Variants in SPEG observed in about 807,000 individuals in gnomAD.
SPEG encodes striated muscle preferentially expressed protein kinase.
In SPEG, 114 loss-of-function variants were observed where a neutral mutation model predicts 300.4. The observed-to-expected ratio is 0.38, with a 90% CI of 0.33 to 0.44. The LOEUF is 0.44. Among genes scored for constraint, SPEG ranks in the 20% least tolerant of loss-of-function variants. The pLI is 1.00. For missense variants in SPEG, 4,201 were observed against 4,586.2 expected (o/e 0.92, Z 2.43); for synonymous variants, 1,964 against 2,018.9 (o/e 0.97, Z 0.73).
Position 219,445,315 on chromosome 2 carries a change from T to C in SPEG, c.815+154T>C, listed in dbSNP as rs1032082797. On this transcript the variant is annotated intron_variant, in intron 3 of 40. Transcript: ENST00000312358. The surrounding 1 kb of genome is among the most constrained non-coding windows in gnomAD (Gnocchi z 6.1). ...CTGCTGCCACTCCATCTTCCCACAC[T>C]GCTCCCTCCTCCTCCTGAGCCATCA... Among the ~76,000 whole-genome samples, 1 of 152,064 alleles carries C rather than the reference T, an allele frequency of 6.6e-6. No individual in the cohort carries two copies. The highest frequency in any genetic ancestry group is 2.4e-5 in the African/African-American group (1 of 41,422).
Position 219,477,572 on chromosome 2 carries a change from C to T in SPEG, c.4730-117C>T. 2 of 1,357,656 alleles carry T rather than the reference C, an allele frequency of 1.5e-6. No individual in the cohort carries two copies. The highest frequency in any genetic ancestry group is 2.0e-6 in the Non-Finnish European group (2 of 999,792). The allele number at this position is 1,357,656 out of a possible 1,614,324, so 84.1% of individuals were successfully genotyped here. A position where few individuals can be genotyped will look rare whatever the true frequency, so the allele number is the denominator to read the frequency against. ...CCACACCCCCAGCCCAGCACCCCGCCTTGAGCCCCCAACATTCTTGCACCT... is the reference window on the plus strand; with the variant it reads ...CCACACCCCCAGCCCAGCACCCCGCTTTGAGCCCCCAACATTCTTGCACCT... On this transcript the variant is annotated intron_variant, in intron 20 of 40. Transcript: ENST00000312358. This position sits in a 1 kb window ranked among gnomAD's most constrained non-coding sequence, Gnocchi z 6.4.
At chr2:219,437,304 C>G (rs1242572223) in intron 1 of SPEG, 1 of 152,286 alleles carries the variant, frequency 6.6e-6, no homozygotes, top group Non-Finnish European at 1.5e-5. Flanking sequence ...CCTGGCCTGC[C>G]TTGGTCCCTC....
At chr2:219,467,744 T>A (rs542209768) in intron 10 of SPEG, among the ~76,000 whole-genome samples, 14 of 152,358 alleles carry the variant, frequency 9.2e-5, no homozygotes, top group African/African-American at 3.1e-4. Flanking sequence ...TTCATCTCTC[T>A]GAGCTTTAGC....
Position 219,478,009 on chromosome 2 carries a change from G to A in SPEG, c.4931G>A (p.Arg1644Gln), listed in dbSNP as rs750341445. The change falls in exon 22 of 41, where the codon CGG becomes CAG. Residue 1644 changes from arginine (R) to glutamine (Q), a missense_variant. Transcript: ENST00000312358. ...GCCAAGCCAAAGGCATCAGCGCGTCGGGAGGCCCGGCTGCTGGCCAGGCTC... is the reference window on the plus strand; with the variant it reads ...GCCAAGCCAAAGGCATCAGCGCGTCAGGAGGCCCGGCTGCTGGCCAGGCTC... ...SQAKPKASAR[R>Q]EARLLARLQH... is the part of the protein sequence containing the mutation. The A allele has an allele frequency of 2.0e-5, 32 of 1,614,054 alleles. No homozygotes were observed. The highest frequency in any genetic ancestry group is 3.3e-5 in the South Asian group (3 of 91,086).
At chr2:219,468,547 C>T (rs574311242) in intron 10 of SPEG, 31 bp from the exon 11 acceptor site, 1 of 1,603,886 alleles carries the variant, frequency 6.2e-7, no homozygotes, top group Admixed American at 1.7e-5. Context: ...CCTTAGCCTT[C>T]CCTATCTCTG....
Position 219,439,321 on chromosome 2 carries a change from G to A in SPEG, c.388+3956G>A, listed in dbSNP as rs998430479. Among the ~76,000 whole-genome samples, 3 of 152,180 alleles carry A rather than the reference G, an allele frequency of 2.0e-5. No individual in the cohort carries two copies. The highest frequency in any genetic ancestry group is 7.2e-5 in the African/African-American group (3 of 41,430). On this transcript the variant is annotated intron_variant, in intron 1 of 40. Transcript: ENST00000312358. The surrounding 1 kb of genome is among the most constrained non-coding windows in gnomAD (Gnocchi z 4.5). ...TGTGCTTTTGATACACGAGTCAGGGGGTTGAGGGAGACCAAAATTTATGTC... is the reference window on the plus strand; with the variant it reads ...TGTGCTTTTGATACACGAGTCAGGGAGTTGAGGGAGACCAAAATTTATGTC...
Position 219,451,577 on chromosome 2 carries a change from TG to T in SPEG, c.2258-45del. On this transcript the variant is annotated intron_variant, in intron 5 of 40. Transcript: ENST00000312358. This position sits in a 1 kb window ranked among gnomAD's most constrained non-coding sequence, Gnocchi z 6.4. The stretch of plus-strand genomic sequence containing the variant: ...GTGGGGTAGGAGTAGAGATTCTCAG[TG>T]GGCGCCTGTGGGCCGTGGCGAGCCG... The T allele has an allele frequency of 6.9e-7, 1 of 1,450,648 alleles. No individual in the cohort carries two copies. The highest frequency in any genetic ancestry group is 1.4e-5 in the African/African-American group (1 of 70,508). 89.9% of individuals were successfully genotyped at this position (1,450,648 alleles called of 1,614,324 possible). A position where few individuals can be genotyped will look rare whatever the true frequency, so the allele number is the denominator to read the frequency against.
rs895948376 is a variant in SPEG at position 219,451,010 on chromosome 2, C to T, written c.2114-126C>T. 1.9e-5 allele frequency: 19 copies of T among 975,680 alleles called. No homozygotes were observed. The highest frequency in any genetic ancestry group is 1.1e-4 in the Admixed American group (4 of 35,598). 60.4% of individuals were successfully genotyped at this position (975,680 alleles called of 1,614,324 possible). ...AGGCAGACCCTCTTCTCCCCAAGTCCCTGCTTTCTAGAAGCCCCTCTGTCT... is the reference window on the plus strand; with the variant it reads ...AGGCAGACCCTCTTCTCCCCAAGTCTCTGCTTTCTAGAAGCCCCTCTGTCT... On this transcript the variant is annotated intron_variant, in intron 4 of 40. Coordinates refer to ENST00000312358, the MANE Select transcript of SPEG (RefSeq NM_005876.5). This position sits in a 1 kb window ranked among gnomAD's most constrained non-coding sequence, Gnocchi z 6.4.
rs1459915218 is a variant in SPEG at position 219,469,146 on chromosome 2, G to A, written c.3492-10G>A. 8 of 1,613,402 alleles carry A rather than the reference G, an allele frequency of 5.0e-6. No homozygotes were observed. In the Middle Eastern group the frequency reaches 6.6e-4, roughly 133 times the overall value. ...GCCCTGGGCCTGTGGGCAGCTGTGT[G>A]GTCTTGCAGCTCGAAGCTGGAGAAG... is the stretch of plus-strand genomic sequence containing the variant. On this transcript the variant is annotated splice_polypyrimidine_tract_variant and intron_variant, in intron 12 of 40. Transcript: ENST00000312358.
At chr2:219,467,034 G>A in intron 9 of SPEG, 140 bp from the exon 10 acceptor site, 7 of 1,212,476 alleles carry the variant, frequency 5.8e-6, no homozygotes, top group Non-Finnish European at 7.8e-6. Flanking sequence ...GGCCAGGTGG[G>A]TGGGCTTTCC....
At position 219,489,873 on chromosome 2, in the gene SPEG, C is replaced by A. The variant is rs1290686485; in HGVS notation, c.8855C>A (p.Pro2952His). Residue 2952 changes from proline to histidine, a missense_variant, in exon 36 of 41, where the codon CCT becomes CAT. Physicochemically the swap from Pro to His is moderately conservative, Grantham distance 77. This residue lies in a region of SPEG where 1,578 missense variants were observed against 1,506.0 expected (regional missense o/e 1.05). Coordinates refer to ENST00000312358, the MANE Select transcript of SPEG (RefSeq NM_005876.5). ...AGCAGTCCCCGAAGCTCTCCCAGGC[C>A]TGAGGGTACCACTCTTCGACAGGGT... Reference protein sequence around the residue: ...PGSSPRSSPRPEGTTLRQGPP... With the variant: ...PGSSPRSSPRHEGTTLRQGPP... 6.2e-7 allele frequency: 1 copy of A among 1,609,384 alleles called. No individual in the cohort carries two copies. The highest frequency in any genetic ancestry group is 8.5e-7 in the Non-Finnish European group (1 of 1,176,910).
chr2:219,467,202 G>A lies in SPEG; in HGVS notation c.2910G>A (p.Val970=), dbSNP rs1295294599. Residue 970 remains valine, a synonymous_variant, in exon 10 of 41, where the codon GTG becomes GTA. Transcript: ENST00000312358. ...RAHPESRSLA[V]LAPLQDVDVG... ...ACCCTGAAAGCCGGTCCCTGGCCGTGCTGGCCCCCCTGCAGGACGTGGACG... is the reference window on the plus strand; with the variant it reads ...ACCCTGAAAGCCGGTCCCTGGCCGTACTGGCCCCCCTGCAGGACGTGGACG... The A allele has an allele frequency of 6.3e-7, 1 of 1,590,494 alleles. No homozygotes were observed. Among genetic ancestry groups the A allele is most frequent in the Non-Finnish European group, 8.6e-7 (1 of 1,169,394 alleles).
chr2:219,451,093 C>A lies in SPEG; in HGVS notation c.2114-43C>A. 6.4e-7 allele frequency: 1 copy of A among 1,562,090 alleles called. No homozygotes were observed. Among genetic ancestry groups the A allele is most frequent in the South Asian group, 1.2e-5 (1 of 81,478 alleles). ...ACTCTCTCTCCCGCTGTCATCCCTGCAGGGATCATGGCCCCTTACCCCGTT... is the reference window on the plus strand; with the variant it reads ...ACTCTCTCTCCCGCTGTCATCCCTGAAGGGATCATGGCCCCTTACCCCGTT... On this transcript the variant is annotated intron_variant, in intron 4 of 40. Coordinates refer to ENST00000312358, the MANE Select transcript of SPEG (RefSeq NM_005876.5). This position sits in a 1 kb window ranked among gnomAD's most constrained non-coding sequence, Gnocchi z 6.4.
rs772060475 is a variant in SPEG, at chr2:219,477,475, C to T, written c.4729+30C>T. The T allele has an allele frequency of 3.2e-6, 5 of 1,540,220 alleles. No homozygotes were observed. The highest frequency in any genetic ancestry group is 1.2e-5 in the South Asian group (1 of 81,450). On this transcript the variant is annotated intron_variant, in intron 20 of 40. Coordinates refer to ENST00000312358, the MANE Select transcript of SPEG (RefSeq NM_005876.5). This position sits in a 1 kb window ranked among gnomAD's most constrained non-coding sequence, Gnocchi z 6.4. ...GCAGGAGTTCCGGAGAAAGGTAAAGCGCACACCCCCTGGAATCTGATGTGA... is the reference window on the plus strand; with the variant it reads ...GCAGGAGTTCCGGAGAAAGGTAAAGTGCACACCCCCTGGAATCTGATGTGA...
rs528216747 is a variant in SPEG at position 219,481,647 on chromosome 2, C to G, written c.5532C>G (p.Thr1844=). The change falls in exon 28 of 41, where the codon ACC becomes ACG. Residue 1844 remains threonine (T), a synonymous_variant. Transcript: ENST00000312358. This position sits in a 1 kb window ranked among gnomAD's most constrained non-coding sequence, Gnocchi z 5.4. Reference sequence around the variant, plus strand: ...CCTCATTCATTCACAGGAGACCTACCGCAGAAGAGACCCTAGAACATCCTT... The same window carrying G: ...CCTCATTCATTCACAGGAGACCTACGGCAGAAGAGACCCTAGAACATCCTT... ...KVLVQDRLRP[T]AEETLEHPWF... The G allele has an allele frequency of 3.1e-6, 5 of 1,614,102 alleles. No homozygotes were observed. The highest frequency in any genetic ancestry group is 4.2e-6 in the Non-Finnish European group (5 of 1,179,982).
intron 13 of SPEG, among the ~76,000 whole-genome samples, chr2:219,470,818 T>C (rs1358185627): frequency 6.6e-6 from 1 of 152,198 alleles, no homozygotes; most frequent in Non-Finnish European, 1.5e-5. Context: ...TCTGACCTCA[T>C]TGGTAAAATG....
chr2:219,448,194 G>A lies in SPEG; in HGVS notation c.1036G>A (p.Glu346Lys). 2 of 1,612,380 alleles carry A rather than the reference G, an allele frequency of 1.2e-6. No homozygotes were observed. The highest frequency in any genetic ancestry group is 1.1e-5 in the South Asian group (1 of 91,078). ...TCGCACTCAGGAGCCTGTGCTGCCC[G>A]AGGACACCACCACCGAAGAGAAGCG... The part of the protein sequence containing the change: ...HRRTQEPVLP[E>K]DTTTEEKRGK... Residue 346 changes from glutamate (E) to lysine (K), a missense_variant, in exon 4 of 41, where the codon GAG becomes AAG. Transcript: ENST00000312358.
intron 9 of SPEG, chr2:219,465,971 G>A: frequency 8.6e-7 from 1 of 1,161,014 alleles, no homozygotes; most frequent in South Asian, 1.3e-5. Context: ...GTGCATGCGT[G>A]TGTGTGCATG....
Position 219,484,373 on chromosome 2 carries a change from G to T in SPEG, c.6910G>T (p.Ala2304Ser). Residue 2304 changes from alanine (A) to serine (S), a missense_variant, in exon 30 of 41, where the codon GCC becomes TCC. Ala to Ser is a moderately conservative substitution (Grantham distance 99). Coordinates refer to ENST00000312358, the MANE Select transcript of SPEG (RefSeq NM_005876.5). Reference sequence around the variant, plus strand: ...CTCAGCCGGGGGTCCCCCGGTGCTAGCCGAGAAAGCCCGAGTTCCCACGGT... The same window carrying T: ...CTCAGCCGGGGGTCCCCCGGTGCTATCCGAGAAAGCCCGAGTTCCCACGGT... ...VPSAGGPPVL[A>S]EKARVPTVPP... The T allele has an allele frequency of 1.2e-6, 2 of 1,608,022 alleles. No individual in the cohort carries two copies. The highest frequency in any genetic ancestry group is 1.7e-6 in the Non-Finnish European group (2 of 1,179,434).
Sources: allele counts gnomAD v4.1 joint callset (sites outside exome capture counted in the v4.1 genomes callset), GRCh38; gene constraint gnomAD v4.1.1; regional missense constraint gnomAD v4.1.1; non-coding constraint Gnocchi (gnomAD v3.1); transcripts MANE v1.5; gene names NCBI Gene and HGNC (gene_info 2026-07-23, HGNC 2026-07-21).